Variants in LRRTM4 observed in about 807,000 individuals in gnomAD.
The protein encoded by LRRTM4 is leucine rich repeat transmembrane neuronal 4, also known as leucine-rich repeat transmembrane neuronal protein 4.
LRRTM4 carries 25 observed loss-of-function variants against 47.6 expected under a neutral mutation model. The ratio of observed to expected loss-of-function variants is 0.53; its 90% CI spans 0.38 to 0.73. The LOEUF is 0.73. LRRTM4 is among the 30% of genes least tolerant of loss of function. The probability of loss-of-function intolerance (pLI) is 0.00; values close to 1 mark genes in which losing one functional copy is unlikely to be tolerated. For missense variants in LRRTM4, 638 were observed against 713.4 expected (o/e 0.89, Z 1.20); for synonymous variants, 311 against 269.5 (o/e 1.15, Z -1.51).
chr2:76,812,244 A>G (rs984563775), intron 3 of LRRTM4, among the ~76,000 whole-genome samples: 1 of 152,182 alleles, frequency 6.6e-6, no homozygotes, highest in African/African-American at 2.4e-5. Flanking sequence ...TCTAGGATCC[A>G]TTCTAGTCAC....
intron 3 of LRRTM4, among the ~76,000 whole-genome samples, chr2:76,984,568 T>C (rs1443994705): frequency 6.6e-6 from 1 of 151,956 alleles, no homozygotes; most frequent in East Asian, 1.9e-4. Context: ...CTCCGCAGCA[T>C]CCTGTTCCTC....
chr2:76,999,007 A>C lies in LRRTM4; in HGVS notation c.1552-250091T>G, dbSNP rs1240996088. Reference sequence around the variant, plus strand: ...TATTTCCTATCAGTCTAACTTAGAGAGCTGAGTGCAGACTCCTGGGTCTCA... The same window carrying C: ...TATTTCCTATCAGTCTAACTTAGAGCGCTGAGTGCAGACTCCTGGGTCTCA... On this transcript the variant is annotated intron_variant, in intron 3 of 3. Transcript: ENST00000409884. 3.3e-5 allele frequency among the ~76,000 whole-genome samples: 5 copies of C among 151,840 alleles called. No homozygotes were observed. In the East Asian group the frequency reaches 5.8e-4, roughly 18 times the overall value.
intron 3 of LRRTM4, among the ~76,000 whole-genome samples, chr2:77,327,119 A>G (rs900378517): frequency 2.6e-5 from 4 of 152,204 alleles, no homozygotes; most frequent in African/African-American, 9.6e-5. Context: ...AAGGAGTAGG[A>G]TAGCTCTTCA....
chr2:77,190,488 CG>C (rs765516441), intron 3 of LRRTM4, among the ~76,000 whole-genome samples: 25 of 151,786 alleles, frequency 1.6e-4, no homozygotes, highest in Non-Finnish European at 2.4e-4. Context: ...TTAGTAGAAA[CG>C]GGGTTTTGCC....
intron 3 of LRRTM4, among the ~76,000 whole-genome samples, chr2:77,369,159 C>A (rs1205999788): frequency 1.3e-5 from 2 of 151,764 alleles, no homozygotes; most frequent in Non-Finnish European, 3.0e-5. Flanking sequence ...AATGCATATC[C>A]AAATTCTTAC....
At chr2:76,795,237 T>TTAAA (rs1454697837) in intron 3 of LRRTM4, among the ~76,000 whole-genome samples, 4,369 of 152,278 alleles carry the variant, frequency 0.029, no homozygotes, top group African/African-American at 0.086. Flanking sequence ...AAGTGTGTTT[T>TTAAA]GTACTTTAAA....
chr2:77,493,018 GC>G lies in LRRTM4; in HGVS notation c.1551+25299del, dbSNP rs1204360987. 7.9e-5 allele frequency among the ~76,000 whole-genome samples: 12 copies of G among 151,860 alleles called. No individual in the cohort carries two copies. In the East Asian group the frequency reaches 2.3e-3, roughly 29 times the overall value. ...GAAGTCTTATAAATCAATACATACA[GC>G]CAAAAAATAACCTCATAGTAATAAA... On this transcript the variant is annotated intron_variant, in intron 3 of 3. Transcript: ENST00000409884.
intron 3 of LRRTM4, among the ~76,000 whole-genome samples, chr2:77,397,681 C>A (rs543759792): frequency 6.6e-6 from 1 of 151,772 alleles, no homozygotes; most frequent in African/African-American, 2.4e-5. Flanking sequence ...ATTATTTTGT[C>A]CTGATTCTAT....
At chr2:77,382,227 G>A (rs567746059) in intron 3 of LRRTM4, among the ~76,000 whole-genome samples, 184 of 152,116 alleles carry the variant, frequency 1.2e-3, no homozygotes, top group Non-Finnish European at 1.5e-3. Flanking sequence ...ATTGTTTACC[G>A]TGTGCTTTGT....
intron 3 of LRRTM4, among the ~76,000 whole-genome samples, chr2:76,966,831 C>G (rs1435697573): frequency 1.3e-5 from 2 of 151,418 alleles, no homozygotes; most frequent in African/African-American, 4.8e-5. Flanking sequence ...TAATAACATT[C>G]TCTGTGGATT....
At chr2:77,438,930 G>C (rs1384551211) in intron 3 of LRRTM4, among the ~76,000 whole-genome samples, 1 of 152,020 alleles carries the variant, frequency 6.6e-6, no homozygotes, top group Non-Finnish European at 1.5e-5. Flanking sequence ...CTTGTTATGG[G>C]GGCATACTGC....
intron 3 of LRRTM4, among the ~76,000 whole-genome samples, chr2:77,140,879 C>T (rs889377960): frequency 6.6e-6 from 1 of 152,154 alleles, no homozygotes; most frequent in African/African-American, 2.4e-5. Flanking sequence ...AAATGCTCAT[C>T]ATCACTGGCC....
intron 3 of LRRTM4, among the ~76,000 whole-genome samples, chr2:76,833,533 A>G (rs1271398868): frequency 6.6e-6 from 1 of 152,124 alleles, no homozygotes; most frequent in Non-Finnish European, 1.5e-5. Flanking sequence ...TCATTTTCTC[A>G]GTTTAACTAA....
chr2:77,180,615 G>A (rs1296576909), intron 3 of LRRTM4, among the ~76,000 whole-genome samples: 1 of 151,956 alleles, frequency 6.6e-6, no homozygotes, highest in African/African-American at 2.4e-5. Flanking sequence ...CCTTTCCTTA[G>A]AGAGTTTGTG....
intron 3 of LRRTM4, among the ~76,000 whole-genome samples, chr2:76,939,779 G>A (rs961776325): frequency 6.6e-6 from 1 of 151,666 alleles, no homozygotes; most frequent in East Asian, 1.9e-4. Context: ...TAATATTTAT[G>A]GGCATCTAAC....
At chr2:76,888,515 T>C (rs1673150305) in intron 3 of LRRTM4, among the ~76,000 whole-genome samples, 1 of 151,598 alleles carries the variant, frequency 6.6e-6, no homozygotes, top group Non-Finnish European at 1.5e-5. Flanking sequence ...TGTATACACA[T>C]CTCTCAGTAT....
At chr2:77,073,953 T>A (rs571990141) in intron 3 of LRRTM4, among the ~76,000 whole-genome samples, 1 of 152,190 alleles carries the variant, frequency 6.6e-6, no homozygotes, top group Non-Finnish European at 1.5e-5. Flanking sequence ...CCATTTATCT[T>A]TATGAGAAAT....
In LRRTM4 at chr2:77,077,174, T is replaced by C. The variant is rs145757660; in HGVS notation, c.1552-328258A>G. On this transcript the variant is annotated intron_variant, in intron 3 of 3. Coordinates refer to ENST00000409884, the MANE Select transcript of LRRTM4 (RefSeq NM_001134745.3). ...AATAAAGGATAACTATATTGATTAA[T>C]GAGTTTGATATAACACTTCTTTTCA... 8.9e-3 allele frequency among the ~76,000 whole-genome samples: 1,349 copies of C among 152,286 alleles called. 23 individuals are homozygous for C. Among genetic ancestry groups the C allele is most frequent in the African/African-American group, 0.031 (1,294 of 41,564 alleles).
intron 3 of LRRTM4, among the ~76,000 whole-genome samples, chr2:77,151,260 C>G (rs1157640445): frequency 6.6e-6 from 1 of 152,064 alleles, no homozygotes; most frequent in Non-Finnish European, 1.5e-5. Context: ...GTACAGTAGA[C>G]TCCTCGAATT....
Sources: gnomAD v4.1 joint callset for allele counts (sites outside exome capture counted in the v4.1 genomes callset) on GRCh38, gnomAD v4.1.1 for gene constraint, MANE v1.5 for transcripts, NCBI Gene and HGNC (gene_info 2026-07-23, HGNC 2026-07-21) for gene names.